Variants in ULK4 observed in about 807,000 individuals in gnomAD.
ULK4 encodes unc-51 like kinase 4, also known as inactive serine/threonine-protein kinase ULK4.
ULK4 carries 133 observed loss-of-function variants against 160.6 expected under a neutral mutation model. That is an observed-to-expected ratio of 0.83 (90% CI 0.72 to 0.96). The LOEUF is 0.96. Among genes scored for constraint, ULK4 ranks in the 40% least tolerant of loss-of-function variants. The pLI is 0.00. For synonymous variants in ULK4, 534 were observed against 539.8 expected (o/e 0.99, Z 0.15); for missense variants, 1,580 against 1,499.5 (o/e 1.05, Z -0.89).
chr3:41,563,405 G>A (rs1474249293), intron 32 of ULK4, among the ~76,000 whole-genome samples: 4 of 152,166 alleles, frequency 2.6e-5, no homozygotes, highest in African/African-American at 9.7e-5. Context: ...ATGCTGGCCT[G>A]CCTTACTAGG....
intron 35 of ULK4, among the ~76,000 whole-genome samples, chr3:41,250,242 A>G (rs1348196970): frequency 6.6e-6 from 1 of 152,168 alleles, no homozygotes; most frequent in African/African-American, 2.4e-5. Context: ...CCCTCCATAA[A>G]ATGAGTCCAT....
At chr3:41,566,209 T>A in intron 31 of ULK4, 79 bp from the exon 32 acceptor site, 1 of 1,231,326 alleles carries the variant, frequency 8.1e-7, no homozygotes, top group Non-Finnish European at 1.2e-6. Context: ...GCAAATGATG[T>A]CCACTGCTTC....
chr3:41,561,394 G>A (rs1158066312), intron 32 of ULK4, among the ~76,000 whole-genome samples: 1 of 152,142 alleles, frequency 6.6e-6, no homozygotes, highest in Non-Finnish European at 1.5e-5. Context: ...GAGTTAGGGA[G>A]GATTCCTTCT....
chr3:41,330,403 C>T (rs2080419636), intron 35 of ULK4, among the ~76,000 whole-genome samples: 1 of 152,204 alleles, frequency 6.6e-6, no homozygotes, highest in African/African-American at 2.4e-5. Context: ...CAATGCTTAC[C>T]TAGACATTTC....
intron 21 of ULK4, among the ~76,000 whole-genome samples, chr3:41,773,913 T>C (rs1019870165): frequency 2.0e-5 from 3 of 152,074 alleles, no homozygotes; most frequent in Non-Finnish European, 2.9e-5. Context: ...TCAGAAATAA[T>C]GCCGCATATC....
intron 22 of ULK4, among the ~76,000 whole-genome samples, chr3:41,724,168 G>A (rs956963061): frequency 6.6e-6 from 1 of 152,094 alleles, no homozygotes; most frequent in Non-Finnish European, 1.5e-5. Flanking sequence ...TCATTGCTGT[G>A]TAGTGTTCCG....
intron 32 of ULK4, among the ~76,000 whole-genome samples, chr3:41,548,023 C>T (rs966274597): frequency 4.6e-5 from 7 of 152,140 alleles, no homozygotes; most frequent in Non-Finnish European, 1.0e-4. Context: ...TGCATACTTG[C>T]AAGTGTGTTC....
At chr3:41,363,963 C>T (rs1251340002) in intron 35 of ULK4, among the ~76,000 whole-genome samples, 1 of 151,438 alleles carries the variant, frequency 6.6e-6, no homozygotes, top group African/African-American at 2.4e-5. Flanking sequence ...CAGGGTCTCA[C>T]TCTGTTGCCC....
chr3:41,730,398 AGAG>A (rs1215081574), intron 22 of ULK4, among the ~76,000 whole-genome samples: 1 of 152,132 alleles, frequency 6.6e-6, no homozygotes, highest in Non-Finnish European at 1.5e-5. Context: ...CTAAGAAAAA[AGAG>A]AAGATTCAAA....
chr3:41,530,883 C>T (rs1303378937), intron 32 of ULK4, among the ~76,000 whole-genome samples: 3 of 151,922 alleles, frequency 2.0e-5, no homozygotes, highest in African/African-American at 7.2e-5. Context: ...CCTGCCTCAG[C>T]CTCCCGAGGA....
intron 34 of ULK4, among the ~76,000 whole-genome samples, chr3:41,407,401 C>CA (rs1008486049): frequency 7.1e-4 from 108 of 152,128 alleles, no homozygotes; most frequent in African/African-American, 2.4e-3. Flanking sequence ...AAAGATAGTA[C>CA]AAAAAACAAC....
At chr3:41,916,561 G>A (rs1215246366) in intron 7 of ULK4, among the ~76,000 whole-genome samples, 2 of 151,914 alleles carry the variant, frequency 1.3e-5, no homozygotes, top group Non-Finnish European at 2.9e-5. Context: ...ACTAATTTTT[G>A]TTTATTTTTT....
intron 27 of ULK4, 104 bp from the exon 28 acceptor site, chr3:41,681,908 G>A: frequency 8.1e-7 from 1 of 1,230,258 alleles, no homozygotes; most frequent in South Asian, 1.3e-5. Flanking sequence ...TCAAAGGAGT[G>A]AAAAAAAGCA....
rs1191289185 is a variant in ULK4, at chr3:41,667,437, T to C, written c.2979-3738A>G. ...GATAGGTTTATAATGGTCAGCAAGA[T>C]CTAGCCAAAAGTAGGCTGTGATTTA... On this transcript the variant is annotated intron_variant, in intron 29 of 36. Coordinates refer to ENST00000301831, the MANE Select transcript of ULK4 (RefSeq NM_017886.4). Among the ~76,000 whole-genome samples the C allele has an allele frequency of 2.0e-5, 3 of 152,346 alleles. No homozygotes were observed. In the East Asian group the frequency reaches 5.8e-4, roughly 29 times the overall value.
At chr3:41,481,687 C>T (rs1046249397) in intron 32 of ULK4, among the ~76,000 whole-genome samples, 4 of 150,972 alleles carry the variant, frequency 2.6e-5, no homozygotes, top group East Asian at 3.9e-4. Context: ...ATTAGCCGGG[C>T]GTAGTGGCGG....
intron 11 of ULK4, 135 bp from the exon 12 acceptor site, chr3:41,908,076 A>C: frequency 2.5e-6 from 1 of 394,596 alleles, no homozygotes; most frequent in Non-Finnish European, 4.3e-6. Flanking sequence ...AAAAAAGTCT[A>C]GATCTAATTT....
chr3:41,762,509 T>C (rs887998443), intron 21 of ULK4, among the ~76,000 whole-genome samples: 2 of 152,014 alleles, frequency 1.3e-5, no homozygotes, highest in African/African-American at 2.4e-5. Context: ...GGGTAATATA[T>C]AAAGGAAAGA....
intron 35 of ULK4, among the ~76,000 whole-genome samples, chr3:41,353,699 TTAC>T (rs4016416): frequency 0.25 from 35,619 of 143,492 alleles, 4,505 homozygotes; most frequent in Admixed American, 0.3. Context: ...ATAATTACAA[TTAC>T]TACTACTACT....
intron 17 of ULK4, among the ~76,000 whole-genome samples, chr3:41,877,735 A>T (rs1697361456): frequency 6.6e-6 from 1 of 151,944 alleles, no homozygotes; most frequent in Non-Finnish European, 1.5e-5. Context: ...TAATCCCAGA[A>T]CTTTGGGAGG....
Sources: allele counts gnomAD v4.1 joint callset (sites outside exome capture counted in the v4.1 genomes callset), GRCh38; gene constraint gnomAD v4.1.1; transcripts MANE v1.5; gene names NCBI Gene and HGNC (gene_info 2026-07-23, HGNC 2026-07-21).